SOX6: variants seen among roughly 807,000 people sequenced by gnomAD.
The protein encoded by SOX6 is SRY-box transcription factor 6.
In SOX6, 11 loss-of-function variants were observed where a neutral mutation model predicts 97.8. The ratio of observed to expected loss-of-function variants is 0.11; its 90% CI spans 0.07 to 0.19. The LOEUF is 0.19. Among genes scored for constraint, SOX6 ranks in the 10% least tolerant of loss-of-function variants. SOX6 has a pLI of 1.00. For synonymous variants in SOX6, 360 were observed against 371.4 expected (o/e 0.97, Z 0.35); for missense variants, 810 against 1,039.5 (o/e 0.78, Z 3.04).
At chr11:16,648,160 A>C (rs7481887) in intron 3 of SOX6, among the ~76,000 whole-genome samples, 50,673 of 151,938 alleles carry the variant, frequency 0.33, 9,406 homozygotes, top group Non-Finnish European at 0.42. Context: ...GGCCTGGGGT[A>C]AGGTTTCAGC....
chr11:16,247,427 A>C (rs1853370501), intron 3 of SOX6, among the ~76,000 whole-genome samples: 1 of 152,162 alleles, frequency 6.6e-6, no homozygotes, highest in Admixed American at 6.5e-5. Flanking sequence ...GTCCATTCTC[A>C]TGCTGCTGTA....
chr11:16,376,863 G>T (rs1857655423), intron 1 of SOX6, among the ~76,000 whole-genome samples: 1 of 151,840 alleles, frequency 6.6e-6, no homozygotes, highest in African/African-American at 2.4e-5. Flanking sequence ...TTTAAGAGAA[G>T]AGAAGGGAGA....
In SOX6 at chr11:16,104,541, T is replaced by C. The variant is rs965089285; in HGVS notation, c.899-6853A>G. ...TTTTAATAAAGCAGAGATGATACCA[T>C]TTATTACCACTTATATCTAAGAGTT... On this transcript the variant is annotated intron_variant, in intron 7 of 15. Transcript: ENST00000683767. 4.6e-5 allele frequency among the ~76,000 whole-genome samples: 7 copies of C among 151,838 alleles called. No individual in the cohort carries two copies. The Admixed American group carries it at 4.6e-4, about 10-fold the overall frequency.
intron 9 of SOX6, among the ~76,000 whole-genome samples, chr11:16,085,639 C>A (rs1848560582): frequency 1.3e-5 from 2 of 152,122 alleles, no homozygotes; most frequent in South Asian, 4.1e-4. Flanking sequence ...TAAATATAAC[C>A]CCCTTAGAAT....
At position 16,055,842 on chromosome 11, in the gene SOX6, T is replaced by C; in HGVS notation, c.1161A>G (p.Ser387=). The change falls in exon 10 of 16, where the codon TCA becomes TCG. Residue 387 remains serine, a synonymous_variant. Coordinates refer to ENST00000683767, the MANE Select transcript of SOX6 (RefSeq NM_001367873.1). ...CTGCTGTGTTTGGTGGCTGTGGAGT[T>C]GATGGCATCTTTGCTCCAGGTGACA... ...MQVSPGAKMP[S]TPQPPNTAGT... The C allele has an allele frequency of 6.2e-7, 1 of 1,613,832 alleles. No homozygotes were observed. The highest frequency in any genetic ancestry group is 1.7e-5 in the Admixed American group (1 of 59,932).
intron 4 of SOX6, among the ~76,000 whole-genome samples, chr11:16,535,332 C>A (rs149594325): frequency 1.2e-3 from 187 of 152,304 alleles, no homozygotes; most frequent in African/African-American, 4.2e-3. Context: ...CCCCAAAAAT[C>A]AAATAAGCAA....
intron 3 of SOX6, among the ~76,000 whole-genome samples, chr11:16,259,633 T>C (rs532733864): frequency 4.6e-5 from 7 of 152,226 alleles, no homozygotes; most frequent in Admixed American, 2.0e-4. Flanking sequence ...CTCAAAGACA[T>C]TATGATGAGT....
At chr11:16,701,768 G>A (rs958983643) in intron 3 of SOX6, among the ~76,000 whole-genome samples, 1 of 138,612 alleles carries the variant, frequency 7.2e-6, no homozygotes, top group African/African-American at 2.6e-5. Context: ...CGGGACGGAG[G>A]GGTTCGGGGG....
chr11:16,187,495 C>G (rs900362371), intron 4 of SOX6, among the ~76,000 whole-genome samples: 4 of 151,910 alleles, frequency 2.6e-5, no homozygotes, highest in Admixed American at 2.6e-4. Flanking sequence ...AGAGAGAATA[C>G]TACAGAGAGA....
At chr11:16,234,861 C>T (rs1435014275) in intron 3 of SOX6, among the ~76,000 whole-genome samples, 190 bp from the exon 4 acceptor site, 1 of 151,692 alleles carries the variant, frequency 6.6e-6, no homozygotes, top group Non-Finnish European at 1.5e-5. Context: ...TTTATTTTTA[C>T]CAGATAATTA....
intron 4 of SOX6, among the ~76,000 whole-genome samples, chr11:16,502,951 A>C (rs1302003224): frequency 6.6e-6 from 1 of 152,174 alleles, no homozygotes; most frequent in Non-Finnish European, 1.5e-5. Flanking sequence ...GAGAGAATTA[A>C]AACAGCAAGA....
chr11:16,363,764 A>G (rs2134380940), intron 1 of SOX6, among the ~76,000 whole-genome samples: 1 of 152,026 alleles, frequency 6.6e-6, no homozygotes, highest in African/African-American at 2.4e-5. Context: ...TTTTTCTCTA[A>G]TTGGCATCAA....
intron 1 of SOX6, chr11:16,402,675 C>G: frequency 6.2e-7 from 1 of 1,611,068 alleles, no homozygotes; most frequent in Non-Finnish European, 8.5e-7. Flanking sequence ...TTTCTTCTTT[C>G]CTTCCTCCAC....
At chr11:16,661,266 A>G (rs1590042950) in intron 3 of SOX6, among the ~76,000 whole-genome samples, 1 of 152,186 alleles carries the variant, frequency 6.6e-6, no homozygotes, top group East Asian at 1.9e-4. Flanking sequence ...GTGTGCTACC[A>G]CAGCTTCTTT....
chr11:16,515,321 G>C (rs1231040029), intron 4 of SOX6, among the ~76,000 whole-genome samples: 1 of 151,232 alleles, frequency 6.6e-6, no homozygotes, highest in South Asian at 2.1e-4. Flanking sequence ...TTTTTCATGT[G>C]TTTTTTGGCT....
intron 3 of SOX6, among the ~76,000 whole-genome samples, chr11:16,677,902 T>C (rs560891194): frequency 1.1e-4 from 17 of 152,334 alleles, no homozygotes; most frequent in African/African-American, 4.1e-4. Flanking sequence ...CTAAGGTTAT[T>C]CATTTCTTCT....
chr11:16,496,856 G>A (rs1440223089), intron 4 of SOX6, among the ~76,000 whole-genome samples: 1 of 152,218 alleles, frequency 6.6e-6, no homozygotes, highest in African/African-American at 2.4e-5. Context: ...GCAGGTCAAG[G>A]AGGCCTGCCT....
chr11:16,205,540 C>T (rs1852050161), intron 4 of SOX6, among the ~76,000 whole-genome samples: 1 of 151,978 alleles, frequency 6.6e-6, no homozygotes, highest in South Asian at 2.1e-4. Flanking sequence ...TTTAAAAAAT[C>T]AGTGCCATAC....
chr11:16,397,943 T>A (rs1216392136), intron 1 of SOX6, among the ~76,000 whole-genome samples: 1 of 151,588 alleles, frequency 6.6e-6, no homozygotes, highest in Non-Finnish European at 1.5e-5. Flanking sequence ...CATTTTTCTC[T>A]TAGTAAAAAG....
Sources: allele counts gnomAD v4.1 joint callset (sites outside exome capture counted in the v4.1 genomes callset), GRCh38; gene constraint gnomAD v4.1.1; transcripts MANE v1.5; gene names NCBI Gene and HGNC (gene_info 2026-07-23, HGNC 2026-07-21).